Variants in AHRR observed in about 807,000 individuals in gnomAD.
AHRR encodes ahR repressor.
AHRR carries 28 observed loss-of-function variants against 44.0 expected under a neutral mutation model. That is an observed-to-expected ratio of 0.64 (90% CI 0.47 to 0.87). The LOEUF (loss-of-function observed/expected upper bound fraction) is 0.87, where lower values mean the gene tolerates loss of function less well. AHRR is among the 40% of genes least tolerant of loss of function. The pLI is 0.00. For synonymous variants in AHRR, 434 were observed against 407.0 expected (o/e 1.07, Z -0.80); for missense variants, 990 against 953.9 (o/e 1.04, Z -0.50).
intron 4 of AHRR, among the ~76,000 whole-genome samples, chr5:378,675 A>G (rs1733848957): frequency 6.6e-6 from 1 of 152,188 alleles, no homozygotes; most frequent in South Asian, 2.1e-4. Context: ...GGAGAGGGAA[A>G]CAAGGAGGAG....
intron 2 of AHRR, among the ~76,000 whole-genome samples, chr5:346,110 C>CA (rs1325120416): frequency 6.6e-6 from 1 of 152,216 alleles, no homozygotes; most frequent in Non-Finnish European, 1.5e-5. Flanking sequence ...GCAGAAGAAA[C>CA]AGCACAGCCC....
intron 3 of AHRR, among the ~76,000 whole-genome samples, chr5:374,205 G>A (rs1289977168): frequency 1.3e-5 from 2 of 152,074 alleles, no homozygotes; most frequent in South Asian, 4.1e-4. Context: ...GAGCGCCCAG[G>A]GCCAGCACGG....
chr5:403,572 G>C (rs575157820), intron 4 of AHRR, among the ~76,000 whole-genome samples: 2 of 149,472 alleles, frequency 1.3e-5, no homozygotes, highest in Non-Finnish European at 3.0e-5. Flanking sequence ...GGAGGCGGAG[G>C]TTGCAGTGAG....
rs950105858 is a variant in AHRR at position 337,029 on chromosome 5, T to A, written c.-10-6864T>A. On this transcript the variant is annotated intron_variant, in intron 1 of 10. Transcript: ENST00000684583. This position sits in a 1 kb window ranked among gnomAD's most constrained non-coding sequence, Gnocchi z 4.1. Reference sequence around the variant, plus strand: ...TGGAAAATCAATTGGTCATTGGTCATAATCAATTAGTATCTCTATTCTTAT... The same window carrying A: ...TGGAAAATCAATTGGTCATTGGTCAAAATCAATTAGTATCTCTATTCTTAT... 6.6e-6 allele frequency among the ~76,000 whole-genome samples: 1 copy of A among 152,248 alleles called. No homozygotes were observed. The highest frequency in any genetic ancestry group is 2.4e-5 in the African/African-American group (1 of 41,470).
intron 3 of AHRR, among the ~76,000 whole-genome samples, chr5:364,149 T>C (rs1743275403): frequency 6.6e-6 from 1 of 152,214 alleles, no homozygotes; most frequent in Admixed American, 6.5e-5. Context: ...AAAAATACAT[T>C]TGTGGGCTGG....
At position 413,132 on chromosome 5, in the gene AHRR, G is replaced by A. The variant is rs149419683; in HGVS notation, c.352-212G>A. The stretch of plus-strand genomic sequence containing the variant: ...TAATTTTATATTTATTAGAAAAGGG[G>A]CCTTGTAAACCATGGCTGCCTTCTC... On this transcript the variant is annotated intron_variant, in intron 4 of 10. Coordinates refer to ENST00000684583, the MANE Select transcript of AHRR (RefSeq NM_001377236.1). Among the ~76,000 whole-genome samples the A allele has an allele frequency of 1.3e-3, 200 of 152,238 alleles. 11 individuals carry two copies. The East Asian group carries it at 0.02, about 16-fold the overall frequency.
chr5:333,338 G>A (rs1337723140), intron 1 of AHRR, among the ~76,000 whole-genome samples: 2 of 152,236 alleles, frequency 1.3e-5, no homozygotes, highest in African/African-American at 2.4e-5. Context: ...GCTTACGCCT[G>A]TAATCCCAGC....
At position 411,770 on chromosome 5, in the gene AHRR, CA is replaced by C. The variant is rs1313618636; in HGVS notation, c.352-1571del. 2.6e-5 allele frequency among the ~76,000 whole-genome samples: 4 copies of C among 152,178 alleles called. No homozygotes were observed. The highest frequency in any genetic ancestry group is 9.7e-5 in the African/African-American group (4 of 41,424). On this transcript the variant is annotated intron_variant, in intron 4 of 10. Coordinates refer to ENST00000684583, the MANE Select transcript of AHRR (RefSeq NM_001377236.1). The surrounding 1 kb of genome is among the most constrained non-coding windows in gnomAD (Gnocchi z 4.2). ...GTATATAGTATACTGCTGACAGCCA[CA>C]AACATCATGGGAGTTAAAGTCTCCG...
At chr5:393,287 C>A (rs530332489) in intron 4 of AHRR, among the ~76,000 whole-genome samples, 1 of 152,324 alleles carries the variant, frequency 6.6e-6, no homozygotes, top group East Asian at 1.9e-4. Context: ...AAGCTTAATC[C>A]CGATGTCACA....
At chr5:421,615 T>A (rs1306002165) in intron 5 of AHRR, among the ~76,000 whole-genome samples, 3 of 152,174 alleles carry the variant, frequency 2.0e-5, no homozygotes, top group Non-Finnish European at 4.4e-5. Context: ...GCGGGGATGC[T>A]GGCGCCGCCC....
intron 2 of AHRR, among the ~76,000 whole-genome samples, chr5:346,430 A>C (rs1442209455): frequency 6.6e-6 from 1 of 152,180 alleles, no homozygotes; most frequent in Non-Finnish European, 1.5e-5. Context: ...CAATAAAAGC[A>C]GGAAATTTCG....
intron 2 of AHRR, 129 bp downstream of exon 2, chr5:344,093 G>A (rs1742473819): frequency 2.0e-6 from 2 of 1,018,540 alleles, no homozygotes; most frequent in Admixed American, 3.1e-5. Flanking sequence ...GGCGGGCCGG[G>A]GCTGAGCTCC....
At chr5:377,474 T>A (rs1357324654) in intron 4 of AHRR, among the ~76,000 whole-genome samples, 2 of 151,686 alleles carry the variant, frequency 1.3e-5, no homozygotes, top group Non-Finnish European at 2.9e-5. Flanking sequence ...GGTAACAGGG[T>A]GGGCTCCAGC....
chr5:424,198 GCACCC>G, intron 7 of AHRR, among the ~76,000 whole-genome samples: 4 of 145,718 alleles, frequency 2.7e-5, no homozygotes, highest in African/African-American at 5.2e-5. Flanking sequence ...TGAGCTCTGT[GCACCC>G]TGTGATGGTG....
At chr5:347,684 G>T (rs1441981013) in intron 2 of AHRR, among the ~76,000 whole-genome samples, 1 of 152,214 alleles carries the variant, frequency 6.6e-6, no homozygotes, top group East Asian at 1.9e-4. Context: ...GTGTGTCCAA[G>T]CATGGGCATC....
chr5:348,845 A>G (rs973725059), intron 2 of AHRR, among the ~76,000 whole-genome samples: 2 of 152,258 alleles, frequency 1.3e-5, no homozygotes, highest in Non-Finnish European at 2.9e-5. Context: ...TCTGTTGGAT[A>G]AATACTTAGG....
At chr5:372,247 T>C (rs1398216617) in intron 3 of AHRR, among the ~76,000 whole-genome samples, 1 of 151,692 alleles carries the variant, frequency 6.6e-6, no homozygotes, top group East Asian at 2.0e-4. Flanking sequence ...CCAGCTCCCC[T>C]GACTGCACAG....
chr5:343,357 C>T lies in AHRR; in HGVS notation c.-10-536C>T, dbSNP rs77842191. 1.0e-4 allele frequency among the ~76,000 whole-genome samples: 12 copies of T among 119,118 alleles called. 1 individual carries two copies. The highest frequency in any genetic ancestry group is 4.3e-4 in the Admixed American group (5 of 11,740). 78.1% of individuals were successfully genotyped at this position (119,118 alleles called of 152,430 possible). On this transcript the variant is annotated intron_variant, in intron 1 of 10. Transcript: ENST00000684583. ...GAACGTGGGACCCCACGTACCTTCT[C>T]GGGGTGATGGGAACACGGGACCCGC...
At chr5:401,401 G>T (rs1377140638) in intron 4 of AHRR, among the ~76,000 whole-genome samples, 1 of 152,228 alleles carries the variant, frequency 6.6e-6, no homozygotes, top group African/African-American at 2.4e-5. Context: ...CTCCCTGTCT[G>T]CATCACCACT....
Sources: gnomAD v4.1 joint callset for allele counts (sites outside exome capture counted in the v4.1 genomes callset) on GRCh38, gnomAD v4.1.1 for gene constraint, Gnocchi (gnomAD v3.1) non-coding constraint, MANE v1.5 for transcripts, NCBI Gene and HGNC (gene_info 2026-07-23, HGNC 2026-07-21) for gene names.